ZRANB3: variants seen among roughly 807,000 people sequenced by gnomAD.
ZRANB3 encodes zinc finger RANBP2-type containing 3.
ZRANB3 carries 125 observed loss-of-function variants against 133.8 expected under a neutral mutation model. The ratio of observed to expected loss-of-function variants is 0.93; its 90% CI spans 0.81 to 1.08. The LOEUF (loss-of-function observed/expected upper bound fraction) is 1.08. ZRANB3 is among the 50% of genes least tolerant of loss of function. The pLI, the probability that ZRANB3 is intolerant of heterozygous loss-of-function variation, is 0.00. For synonymous variants in ZRANB3, 387 were observed against 432.7 expected (o/e 0.89, Z 1.31); for missense variants, 1,229 against 1,275.5 (o/e 0.96, Z 0.56).
Position 135,345,494 on chromosome 2 carries a change from G to A in ZRANB3, c.677+56C>T, listed in dbSNP as rs1684873165. 2.5e-6 allele frequency: 3 copies of A among 1,214,340 alleles called. No individual in the cohort carries two copies. In the South Asian group the frequency reaches 4.0e-5, roughly 16 times the overall value. 75.2% of individuals were successfully genotyped at this position (1,214,340 alleles called of 1,614,324 possible). On this transcript the variant is annotated intron_variant, in intron 6 of 20. Transcript: ENST00000264159. ...AAAAAAAAAAAGAATGATTAATAAA[G>A]CAATGTTCACAGTAAACATGTGAGG...
rs538223310 is a variant in ZRANB3 at position 135,249,648 on chromosome 2, C to A, written c.1539+15886G>T. Among the ~76,000 whole-genome samples, 9 of 152,274 alleles carry A rather than the reference C, an allele frequency of 5.9e-5. No individual in the cohort carries two copies. The South Asian group carries it at 1.9e-3, about 32-fold the overall frequency. ...AATTGAATCATGGGGGCCAGTTTTT[C>A]CTGCGCTAGTCTAGTGATAGCAAGT... On this transcript the variant is annotated intron_variant, in intron 12 of 20. Transcript: ENST00000264159.
intron 6 of ZRANB3, among the ~76,000 whole-genome samples, chr2:135,320,198 G>A (rs1683454297): frequency 6.6e-6 from 1 of 152,174 alleles, no homozygotes; most frequent in African/African-American, 2.4e-5. Context: ...ATGCCACCAG[G>A]CCGAGCTAAA....
chr2:135,484,052 T>C (rs1299033126), intron 2 of ZRANB3, among the ~76,000 whole-genome samples: 5 of 152,146 alleles, frequency 3.3e-5, no homozygotes, highest in Middle Eastern at 3.2e-3. Context: ...AATTTTGGAA[T>C]AGGTGTGGTG....
chr2:135,249,562 C>A (rs1167985095), intron 12 of ZRANB3, among the ~76,000 whole-genome samples: 1 of 152,190 alleles, frequency 6.6e-6, no homozygotes, highest in African/African-American at 2.4e-5. Context: ...CCACCCAAAT[C>A]TCAACTTGAA....
In ZRANB3 at chr2:135,208,862, C is replaced by T. The variant is rs1430604863; in HGVS notation, c.2606+6G>A. 1.9e-6 allele frequency: 3 copies of T among 1,612,576 alleles called. No homozygotes were observed. Among genetic ancestry groups the T allele is most frequent in the African/African-American group, 2.7e-5 (2 of 74,838 alleles). On this transcript the variant is annotated splice_donor_region_variant and intron_variant, in intron 18 of 20. Coordinates refer to ENST00000264159, the MANE Select transcript of ZRANB3 (RefSeq NM_032143.4). ...CTACTATATACTAGTAGTAGAAAAA[C>T]CTTACTTTGTGAAAGGATCCCGTGG... is the stretch of plus-strand genomic sequence containing the variant.
intron 2 of ZRANB3, among the ~76,000 whole-genome samples, chr2:135,452,154 A>C (rs967058577): frequency 6.6e-6 from 1 of 152,184 alleles, no homozygotes; most frequent in Non-Finnish European, 1.5e-5. Flanking sequence ...AGGCAAAAGG[A>C]AAATGAGGAA....
chr2:135,472,099 T>C (rs1271645883), intron 2 of ZRANB3, among the ~76,000 whole-genome samples: 1 of 152,222 alleles, frequency 6.6e-6, no homozygotes, highest in Non-Finnish European at 1.5e-5. Flanking sequence ...CAACTTTATA[T>C]CTGATGGGAA....
intron 12 of ZRANB3, among the ~76,000 whole-genome samples, chr2:135,243,314 G>C (rs1695629544): frequency 6.6e-6 from 1 of 152,288 alleles, no homozygotes; most frequent in East Asian, 1.9e-4. Context: ...AGGATTTCAA[G>C]ATCAGTCTGG....
intron 17 of ZRANB3, among the ~76,000 whole-genome samples, chr2:135,216,324 C>T (rs1164219176): frequency 6.6e-6 from 1 of 152,088 alleles, no homozygotes; most frequent in Non-Finnish European, 1.5e-5. Context: ...AAGGAAACCT[C>T]TCTGATAAAC....
intron 2 of ZRANB3, among the ~76,000 whole-genome samples, chr2:135,424,265 G>T (rs914166569): frequency 2.0e-5 from 3 of 151,998 alleles, no homozygotes; most frequent in African/African-American, 7.2e-5. Context: ...CTAGAAAATA[G>T]ATTTGAGGAA....
At chr2:135,232,494 T>A (rs1437999130) in intron 12 of ZRANB3, among the ~76,000 whole-genome samples, 1 of 152,140 alleles carries the variant, frequency 6.6e-6, no homozygotes, top group African/African-American at 2.4e-5. Flanking sequence ...ACAGACTGCC[T>A]CCTTAAGTGG....
intron 2 of ZRANB3, among the ~76,000 whole-genome samples, chr2:135,411,806 T>A (rs1688314503): frequency 6.6e-6 from 1 of 152,054 alleles, no homozygotes; most frequent in African/African-American, 2.4e-5. Context: ...GAAAAACTAT[T>A]GAGTATGTTC....
intron 4 of ZRANB3, among the ~76,000 whole-genome samples, chr2:135,350,757 C>T (rs546546223): frequency 4.6e-5 from 7 of 151,990 alleles, no homozygotes; most frequent in South Asian, 4.2e-4. Context: ...CAGTGGAGTC[C>T]GAAGCTTTTG....
chr2:135,229,847 C>T lies in ZRANB3; in HGVS notation c.1954+666G>A, dbSNP rs1040147306. ...CATGATCTTTTTCTTACGACAACCACGGGTATTAATAATCATTTCAGAAAC... is the reference window on the plus strand; with the variant it reads ...CATGATCTTTTTCTTACGACAACCATGGGTATTAATAATCATTTCAGAAAC... On this transcript the variant is annotated intron_variant, in intron 13 of 20. Coordinates refer to ENST00000264159, the MANE Select transcript of ZRANB3 (RefSeq NM_032143.4). Among the ~76,000 whole-genome samples, 14 of 151,980 alleles carry T rather than the reference C, an allele frequency of 9.2e-5. 1 individual carries two copies. Among genetic ancestry groups the T allele is most frequent in the South Asian group, 4.1e-4 (2 of 4,824 alleles).
intron 5 of ZRANB3, among the ~76,000 whole-genome samples, chr2:135,346,691 T>A (rs1422187863): frequency 6.6e-6 from 1 of 152,186 alleles, no homozygotes; most frequent in Non-Finnish European, 1.5e-5. Flanking sequence ...CTCCCATCAA[T>A]AGTATCATGA....
chr2:135,215,253 T>A (rs1694257548), intron 17 of ZRANB3, among the ~76,000 whole-genome samples: 2 of 151,724 alleles, frequency 1.3e-5, no homozygotes, highest in African/African-American at 4.8e-5. Flanking sequence ...ATTTTTGTTT[T>A]GTTTTATTTT....
At chr2:135,404,022 G>A (rs974892813) in intron 2 of ZRANB3, among the ~76,000 whole-genome samples, 1 of 152,138 alleles carries the variant, frequency 6.6e-6, no homozygotes, top group Non-Finnish European at 1.5e-5. Context: ...CAGAAAAACT[G>A]GAAACTCTAA....
At chr2:135,353,970 C>T (rs975371386) in intron 3 of ZRANB3, among the ~76,000 whole-genome samples, 42 of 152,084 alleles carry the variant, frequency 2.8e-4, no homozygotes, top group African/African-American at 1.0e-3. Context: ...AACCACTACA[C>T]TCCAGCCTGG....
intron 12 of ZRANB3, among the ~76,000 whole-genome samples, chr2:135,264,538 A>G (rs1680128524): frequency 6.6e-6 from 1 of 151,988 alleles, no homozygotes; most frequent in East Asian, 1.9e-4. Flanking sequence ...TGCAAATATC[A>G]TTAATGAACG....
Sources: allele counts gnomAD v4.1 joint callset (sites outside exome capture counted in the v4.1 genomes callset), GRCh38; gene constraint gnomAD v4.1.1; transcripts MANE v1.5; gene names NCBI Gene and HGNC (gene_info 2026-07-23, HGNC 2026-07-21).